The following USH2A variants were observed in gnomAD, a reference collection of about 807,000 sequenced individuals.
USH2A encodes the protein usherin, also known as Usher syndrome 2A (autosomal recessive, mild).
Under a neutral mutation model 538.9 loss-of-function variants are expected in USH2A, and 443 were observed. The ratio of observed to expected loss-of-function variants is 0.82; its 90% CI spans 0.76 to 0.89. The LOEUF is 0.89. Ranked by LOEUF, USH2A falls within the 40% of genes least tolerant of loss-of-function variation. The pLI, the probability that USH2A is intolerant of heterozygous loss-of-function variation, is 0.00. For missense variants in USH2A, 6,633 were observed against 6,324.8 expected, an observed-to-expected ratio of 1.05 and a Z score of -1.65; for synonymous variants, 2,413 against 2,273.5, an observed-to-expected ratio of 1.06 and a Z score of -1.75.
rs115570321 is a variant in USH2A, at chr1:216,317,110, G to C, written c.1644+4773C>G. ...GGAGAAAAGGGAACACCTTTACACT[G>C]TTGGTGGGAGTATAAATAGTTCAAC... is the stretch of plus-strand genomic sequence containing the variant. On this transcript the variant is annotated intron_variant, in intron 9 of 71. Transcript: ENST00000307340. Among the ~76,000 whole-genome samples the C allele has an allele frequency of 4.7e-3, 718 of 152,272 alleles. 3 individuals carry two copies. Among genetic ancestry groups the C allele is most frequent in the African/African-American group, 0.017 (687 of 41,552 alleles).
intron 40 of USH2A, among the ~76,000 whole-genome samples, chr1:215,896,672 C>A (rs1406345393): frequency 1.1e-4 from 16 of 152,044 alleles, no homozygotes; most frequent in Non-Finnish European, 2.9e-5. Flanking sequence ...AGAGAAGGAA[C>A]AATCATATAA....
intron 32 of USH2A, among the ~76,000 whole-genome samples, chr1:216,036,364 C>T (rs1427515295): frequency 2.0e-5 from 3 of 152,052 alleles, no homozygotes; most frequent in Admixed American, 2.0e-4. Flanking sequence ...ATACCAGACT[C>T]CCATTATTAA....
chr1:215,918,325 T>G (rs761997358), intron 38 of USH2A, among the ~76,000 whole-genome samples: 32 of 152,046 alleles, frequency 2.1e-4, no homozygotes, highest in Non-Finnish European at 3.5e-4. Flanking sequence ...GAGATAATAT[T>G]AGGAGATGGA....
chr1:215,934,553 A>G (rs545647349), intron 38 of USH2A, 63 bp downstream of exon 38: 2 of 1,529,454 alleles, frequency 1.3e-6, no homozygotes, highest in Admixed American at 1.7e-5. Flanking sequence ...CAAGGTATTC[A>G]ATGGAAACTT....
At chr1:215,805,232 T>C (rs934981745) in intron 49 of USH2A, among the ~76,000 whole-genome samples, 2 of 152,028 alleles carry the variant, frequency 1.3e-5, no homozygotes, top group Non-Finnish European at 2.9e-5. Flanking sequence ...CATGTATATA[T>C]ATGTAACTAA....
chr1:216,254,331 G>A (rs1307713395), intron 11 of USH2A, among the ~76,000 whole-genome samples: 3 of 151,782 alleles, frequency 2.0e-5, no homozygotes, highest in Admixed American at 6.6e-5. Flanking sequence ...CCTTTTTAAT[G>A]TGAGAAAATA....
chr1:216,334,000 A>G (rs1253418136), intron 4 of USH2A, among the ~76,000 whole-genome samples: 3 of 152,078 alleles, frequency 2.0e-5, no homozygotes, highest in Non-Finnish European at 2.9e-5. Flanking sequence ...TTAGAGAGCA[A>G]TGTAATCCAG....
chr1:215,890,564 TA>T (rs893256458), intron 40 of USH2A, among the ~76,000 whole-genome samples: 6 of 152,060 alleles, frequency 3.9e-5, no homozygotes, highest in Admixed American at 3.9e-4. Context: ...GAGAAATCCC[TA>T]AAAAAAACCC....
intron 67 of USH2A, among the ~76,000 whole-genome samples, chr1:215,644,346 G>A (rs923379632): frequency 2.0e-5 from 3 of 152,100 alleles, no homozygotes; most frequent in African/African-American, 7.2e-5. Context: ...GGGTGGAGGG[G>A]TATACACTTC....
intron 11 of USH2A, among the ~76,000 whole-genome samples, chr1:216,287,514 A>C (rs1259842908): frequency 6.6e-6 from 1 of 152,152 alleles, no homozygotes; most frequent in Non-Finnish European, 1.5e-5. Context: ...TGGTAGATTG[A>C]AATTGATTAT....
intron 64 of USH2A, among the ~76,000 whole-genome samples, chr1:215,657,490 TATTTA>T (rs1280265303): frequency 6.6e-6 from 1 of 152,244 alleles, no homozygotes; most frequent in Non-Finnish European, 1.5e-5. Flanking sequence ...AGGAGCTATT[TATTTA>T]ACTGTCTATC....
chr1:216,332,473 T>A (rs951631025), intron 4 of USH2A, among the ~76,000 whole-genome samples: 4 of 152,052 alleles, frequency 2.6e-5, no homozygotes, highest in Non-Finnish European at 5.9e-5. Flanking sequence ...ATTATGAACA[T>A]GCAAAAGGCT....
chr1:216,034,176 C>G (rs73094507), intron 32 of USH2A, among the ~76,000 whole-genome samples: 3,346 of 151,958 alleles, frequency 0.022, 108 homozygotes, highest in African/African-American at 0.075. Flanking sequence ...AACATTTGTG[C>G]GTGGAAGAAA....
At position 216,354,186 on chromosome 1, in the gene USH2A, G is replaced by A. The variant is rs140080459; in HGVS notation, c.784+10767C>T. ...TACAGATCAACTTCAAGTCAGTTTG[G>A]TATTTTTTCTTTCCTACTGCCCACC... is the stretch of plus-strand genomic sequence containing the variant. On this transcript the variant is annotated intron_variant, in intron 4 of 71. Transcript: ENST00000307340. Among the ~76,000 whole-genome samples, 705 of 152,180 alleles carry A rather than the reference G, an allele frequency of 4.6e-3. 7 individuals carry two copies. The highest frequency in any genetic ancestry group is 0.016 in the African/African-American group (671 of 41,490).
At chr1:215,973,715 T>C (rs568659137) in intron 35 of USH2A, among the ~76,000 whole-genome samples, 21 of 151,222 alleles carry the variant, frequency 1.4e-4, no homozygotes, top group African/African-American at 4.9e-4. Flanking sequence ...GCAATCTATG[T>C]TGAGAAGCTA....
intron 38 of USH2A, among the ~76,000 whole-genome samples, chr1:215,931,197 A>G (rs1489102438): frequency 4.6e-5 from 7 of 151,992 alleles, no homozygotes; most frequent in Non-Finnish European, 8.8e-5. Context: ...TAGTAGCACC[A>G]TCTTCTTACT....
chr1:215,669,356 C>T (rs890645313), intron 64 of USH2A, among the ~76,000 whole-genome samples: 5 of 152,302 alleles, frequency 3.3e-5, no homozygotes, highest in East Asian at 1.9e-4. Context: ...AACAGTGTTA[C>T]GTTTCCGATG....
At chr1:215,895,647 T>C (rs1425735128) in intron 40 of USH2A, among the ~76,000 whole-genome samples, 2 of 152,168 alleles carry the variant, frequency 1.3e-5, no homozygotes, top group Non-Finnish European at 2.9e-5. Flanking sequence ...AGTAAGACAA[T>C]TTCCTTCATT....
chr1:215,818,334 G>A (rs1662916984), intron 47 of USH2A, among the ~76,000 whole-genome samples: 1 of 151,552 alleles, frequency 6.6e-6, no homozygotes, highest in South Asian at 2.1e-4. Flanking sequence ...TGCCCAAATT[G>A]AGAAATTTTA....
Sources: allele counts gnomAD v4.1 joint callset (sites outside exome capture counted in the v4.1 genomes callset), GRCh38; gene constraint gnomAD v4.1.1; transcripts MANE v1.5; gene names NCBI Gene and HGNC (gene_info 2026-07-23, HGNC 2026-07-21).